ANK2: variants seen among roughly 807,000 people sequenced by gnomAD.
ANK2 encodes the protein ankyrin-2.
In ANK2, 83 loss-of-function variants were observed where a neutral mutation model predicts 360.5. The observed-to-expected ratio is 0.23, with a 90% confidence interval of 0.19 to 0.28. ANK2 has a LOEUF of 0.28. Among genes scored for constraint, ANK2 ranks in the 10% least tolerant of loss-of-function variants. ANK2 has a pLI of 1.00. For missense variants in ANK2, 4,201 were observed against 4,795.7 expected (o/e 0.88, Z 3.66); for synonymous variants, 1,740 against 1,759.5 (o/e 0.99, Z 0.28).
At chr4:112,859,426 C>T (rs1401883976) in intron 1 of ANK2, among the ~76,000 whole-genome samples, 1 of 152,172 alleles carries the variant, frequency 6.6e-6, no homozygotes, top group Non-Finnish European at 1.5e-5. Context: ...AAACCTCCTT[C>T]TGGATTTGGG....
chr4:113,202,823 A>T (rs1433691939), intron 4 of ANK2, among the ~76,000 whole-genome samples: 1 of 152,200 alleles, frequency 6.6e-6, no homozygotes, highest in East Asian at 1.9e-4. Context: ...GAGTTCCAGA[A>T]CACCAGCTGG....
At chr4:112,712,404 ATATTT>A in the ANK2 span, among the ~76,000 whole-genome samples, 562 of 52,640 alleles carry the variant, frequency 0.011, 1 homozygote, top group Middle Eastern at 0.019. Context: ...ATATATATAT[ATATTT>A]TTTTTTTTTT....
intron 30 of ANK2, 171 bp from the exon 31 acceptor site, chr4:113,336,406 G>C: frequency 1.5e-6 from 1 of 668,042 alleles, no homozygotes; most frequent in Admixed American, 3.1e-5. Flanking sequence ...AAAATTTTAT[G>C]AGTGCTTAGT....
chr4:112,973,631 A>G (rs2040366632), intron 2 of ANK2, among the ~76,000 whole-genome samples: 1 of 152,188 alleles, frequency 6.6e-6, no homozygotes, highest in Admixed American at 6.5e-5. Flanking sequence ...TTCTATGCAA[A>G]CTTAATAAGC....
chr4:112,728,531 G>A, the ANK2 span, among the ~76,000 whole-genome samples: 1 of 151,694 alleles, frequency 6.6e-6, no homozygotes, highest in African/African-American at 2.4e-5. Context: ...TAGGATGATC[G>A]CTTGAGACCA....
At chr4:112,864,748 A>G (rs1580010604) in intron 1 of ANK2, among the ~76,000 whole-genome samples, 1 of 151,258 alleles carries the variant, frequency 6.6e-6, no homozygotes, top group East Asian at 2.0e-4. Context: ...AAGAGTAGAA[A>G]CCAGCCGGGC....
intron 1 of ANK2, among the ~76,000 whole-genome samples, chr4:113,146,298 T>C (rs2096832782): frequency 6.6e-6 from 1 of 152,206 alleles, no homozygotes; most frequent in Non-Finnish European, 1.5e-5. Context: ...GACATACGTA[T>C]TATTATAGAG....
At chr4:112,797,349 G>A in the ANK2 span, 1 of 152,218 alleles carries the variant, frequency 6.6e-6, no homozygotes, top group Non-Finnish European at 1.5e-5. Flanking sequence ...GACATTTCTG[G>A]TCCTGTGACG....
intron 2 of ANK2, among the ~76,000 whole-genome samples, chr4:112,980,838 T>C: frequency 6.6e-6 from 1 of 152,188 alleles, no homozygotes; most frequent in East Asian, 1.9e-4. Flanking sequence ...GTCATAATGG[T>C]AATGTTCATG....
chr4:112,979,445 T>TCTGGGCTCCCCAAAGGG (rs1435578433), intron 2 of ANK2: 1 of 152,206 alleles, frequency 6.6e-6, no homozygotes, highest in African/African-American at 2.4e-5. Flanking sequence ...AGCCCCTAGG[T>TCTGGGCTCCCCAAAGGG]CTGGGCTCCC....
chr4:112,730,026 T>C, the ANK2 span, among the ~76,000 whole-genome samples: 2 of 151,712 alleles, frequency 1.3e-5, no homozygotes, highest in Non-Finnish European at 2.9e-5. Context: ...TGGGAAGATG[T>C]TAGACAAAGG....
chr4:112,898,938 A>G lies in ANK2; in HGVS notation c.-39-5517A>G, dbSNP rs116749627. Among the ~76,000 whole-genome samples the G allele has an allele frequency of 3.5e-4, 53 of 152,284 alleles. 1 individual carries two copies. The East Asian group carries it at 9.9e-3, about 28-fold the overall frequency. On this transcript the variant is annotated intron_variant, in intron 1 of 30. Transcript: ENST00000503271. ...GACACTGATCCACGACTGTCAGTTC[A>G]GATATTTCATTCTGGCTGAGAGGCA...
intron 2 of ANK2, among the ~76,000 whole-genome samples, chr4:112,917,056 G>A (rs2090062576): frequency 6.6e-6 from 1 of 152,172 alleles, no homozygotes; most frequent in African/African-American, 2.4e-5. Context: ...ATATGCAAAG[G>A]CAGGGGGATG....
chr4:112,876,610 C>T (rs2075201742), intron 1 of ANK2, among the ~76,000 whole-genome samples: 1 of 152,108 alleles, frequency 6.6e-6, no homozygotes, highest in Non-Finnish European at 1.5e-5. Flanking sequence ...ATATTGCCAT[C>T]AAAAGGTGAT....
intron 1 of ANK2, among the ~76,000 whole-genome samples, chr4:113,130,283 A>C (rs907033883): frequency 6.6e-6 from 1 of 152,074 alleles, no homozygotes; most frequent in Non-Finnish European, 1.5e-5. Flanking sequence ...TCTCATTTTC[A>C]TTAACTTTGC....
At position 113,162,819 on chromosome 4, in the gene ANK2, G is replaced by A. The variant is rs184381041; in HGVS notation, c.85-11597G>A. 7.3e-5 allele frequency among the ~76,000 whole-genome samples: 11 copies of A among 150,030 alleles called. No homozygotes were observed. The East Asian group carries it at 2.0e-3, about 27-fold the overall frequency. On this transcript the variant is annotated intron_variant, in intron 1 of 45. Coordinates refer to ENST00000357077, the MANE Select transcript of ANK2 (RefSeq NM_001148.6). ...TTATTTCTTCTACATTCAATCCCTA[G>A]CATCTAACACAGCGCCTGGTACATA... is the stretch of plus-strand genomic sequence containing the variant.
the ANK2 span, among the ~76,000 whole-genome samples, chr4:112,714,731 GAAAT>G: frequency 6.6e-6 from 1 of 152,154 alleles, no homozygotes; most frequent in Non-Finnish European, 1.5e-5. Context: ...AATAAAATGA[GAAAT>G]AAATAGGGAC....
chr4:112,852,850 A>G (rs2065339311), intron 1 of ANK2, among the ~76,000 whole-genome samples: 1 of 152,236 alleles, frequency 6.6e-6, no homozygotes, highest in Admixed American at 6.5e-5. Context: ...TGAAGCAGGA[A>G]TTTGGAGAAA....
intron 24 of ANK2, among the ~76,000 whole-genome samples, chr4:113,314,423 T>A (rs2081703519): frequency 6.6e-6 from 1 of 152,190 alleles, no homozygotes. Flanking sequence ...ATAAAGCAGT[T>A]GTACCGTAGT....
Sources: allele counts gnomAD v4.1 joint callset (sites outside exome capture counted in the v4.1 genomes callset), GRCh38; gene constraint gnomAD v4.1.1; transcripts MANE v1.5; gene names NCBI Gene and HGNC (gene_info 2026-07-23, HGNC 2026-07-21).